Variants in B4GALNT3 observed in about 807,000 individuals in gnomAD.
The protein encoded by B4GALNT3 is beta-1,4-N-acetylgalactosaminyltransferase 3.
Under a neutral mutation model 120.2 loss-of-function variants are expected in B4GALNT3, and 86 were observed. That is an observed-to-expected ratio of 0.72 (90% confidence interval 0.60 to 0.86). The LOEUF is 0.86. Among genes scored for constraint, B4GALNT3 ranks in the 40% least tolerant of loss-of-function variants. B4GALNT3 has a pLI of 0.00. For synonymous variants in B4GALNT3, 518 were observed against 510.4 expected, an observed-to-expected ratio of 1.01 and a Z score of -0.20; for missense variants, 1,167 against 1,298.9, an observed-to-expected ratio of 0.90 and a Z score of 1.56.
At chr12:559,514 G>T (rs557779702) in intron 19 of B4GALNT3, 93 bp downstream of exon 19, 2 of 1,552,312 alleles carry the variant, frequency 1.3e-6, no homozygotes, top group South Asian at 2.4e-5. Context: ...TGTCCCCCTC[G>T]GCCGCAGAGT....
At chr12:470,597 G>C (rs901117127) in intron 1 of B4GALNT3, among the ~76,000 whole-genome samples, 1 of 152,256 alleles carries the variant, frequency 6.6e-6, no homozygotes, top group South Asian at 2.1e-4. Context: ...AAGGGCAGTG[G>C]AGATGGGCAG....
At chr12:555,978 T>C (rs1239408280) in intron 14 of B4GALNT3, among the ~76,000 whole-genome samples, 1 of 151,426 alleles carries the variant, frequency 6.6e-6, no homozygotes, top group Admixed American at 6.6e-5. Flanking sequence ...AGAGACAGGG[T>C]TTCACCATAT....
intron 12 of B4GALNT3, 41 bp from the exon 13 acceptor site, chr12:552,426 C>T: frequency 6.3e-7 from 1 of 1,588,028 alleles, no homozygotes; most frequent in Non-Finnish European, 8.6e-7. Context: ...CTGAGCCCGC[C>T]ATGCACCGGG....
At chr12:492,897 C>CA (rs368327845) in intron 1 of B4GALNT3, among the ~76,000 whole-genome samples, 25,742 of 121,810 alleles carry the variant, frequency 0.21, 2,610 homozygotes, top group Middle Eastern at 0.41. Context: ...TGCACATATG[C>CA]AAAAAAAAAA....
chr12:558,797 C>A, intron 18 of B4GALNT3, 136 bp downstream of exon 18: 1 of 979,710 alleles, frequency 1.0e-6, no homozygotes, highest in Non-Finnish European at 1.5e-6. Flanking sequence ...GTGGCCTTCA[C>A]TCCCCGGAAA....
At chr12:492,008 A>G (rs960538029) in intron 1 of B4GALNT3, among the ~76,000 whole-genome samples, 52 of 149,290 alleles carry the variant, frequency 3.5e-4, no homozygotes, top group African/African-American at 1.2e-3. Context: ...CAGTGAGCGG[A>G]GATCATGGCA....
chr12:497,344 G>A (rs973911102), intron 1 of B4GALNT3, among the ~76,000 whole-genome samples: 4 of 151,500 alleles, frequency 2.6e-5, no homozygotes, highest in African/African-American at 9.7e-5. Context: ...GTAGAGACGG[G>A]GTTTCTCCAT....
Position 506,931 on chromosome 12 carries a change from C to T in B4GALNT3, c.170-28235C>T, listed in dbSNP as rs576096458. ...GATTACAGGCGTGAGCCACCGTGCCCGGCCAAGTGCATTTTTAAATGAATT... is the reference window on the plus strand; with the variant it reads ...GATTACAGGCGTGAGCCACCGTGCCTGGCCAAGTGCATTTTTAAATGAATT... On this transcript the variant is annotated intron_variant, in intron 1 of 19. Transcript: ENST00000266383. 5.3e-5 allele frequency among the ~76,000 whole-genome samples: 8 copies of T among 152,334 alleles called. No individual in the cohort carries two copies. The South Asian group carries it at 1.7e-3, about 32-fold the overall frequency.
Position 543,478 on chromosome 12 carries a change from TGAG to T in B4GALNT3, c.352-857_352-855del, listed in dbSNP as rs577425147. Among the ~76,000 whole-genome samples, 3 of 93,200 alleles carry T rather than the reference TGAG, an allele frequency of 3.2e-5. No homozygotes were observed. The South Asian group carries it at 1.5e-3, about 45-fold the overall frequency. The allele number at this position is 93,200 out of a possible 152,430, so 61.1% of individuals were successfully genotyped here. On this transcript the variant is annotated intron_variant, in intron 3 of 19. Transcript: ENST00000266383. ...CATGGGGTGCTCATCTTCCTGGAGC[TGAG>T]GAGCTGGGACGGGCATGGGGTGCTC...
At chr12:522,944 A>G (rs1293204920) in intron 1 of B4GALNT3, among the ~76,000 whole-genome samples, 1 of 131,514 alleles carries the variant, frequency 7.6e-6, no homozygotes, top group East Asian at 2.0e-4. Context: ...CTCTGTTTAA[A>G]AAAAAAAAAA....
At position 553,562 on chromosome 12, in the gene B4GALNT3, C is replaced by A. The variant is rs1338419098; in HGVS notation, c.1639C>A (p.Pro547Thr). The change falls in exon 14 of 20, where the codon CCC (proline) becomes ACC (threonine). Residue 547 changes from proline (P) to threonine (T), a missense_variant. This residue lies in a region of B4GALNT3 where 983 missense variants were observed against 1,102.5 expected (regional missense o/e 0.89). Coordinates refer to ENST00000266383, the MANE Select transcript of B4GALNT3 (RefSeq NM_173593.4). ...PVKNLPQMRG[P>T]RPRPAGDSPR... ...GAAGAACCTGCCTCAGATGAGGGGGCCCAGGCCCAGGCCCGCTGGTGACAG... is the reference window on the plus strand; with the variant it reads ...GAAGAACCTGCCTCAGATGAGGGGGACCAGGCCCAGGCCCGCTGGTGACAG... 1.4e-5 allele frequency: 22 copies of A among 1,613,766 alleles called. No homozygotes were observed. Among genetic ancestry groups the A allele is most frequent in the Non-Finnish European group, 1.9e-5 (22 of 1,179,912 alleles).
rs762226195 is a variant in B4GALNT3 at position 557,707 on chromosome 12, A to G, written c.2480A>G (p.Tyr827Cys). ...DPHFNIVITD[Y>C]SSEDMDVEMA... Reference sequence around the variant, plus strand: ...CACTTCAACATCGTCATCACTGACTATAGCAGTGAGGACATGGATGTTGAG... The same window carrying G: ...CACTTCAACATCGTCATCACTGACTGTAGCAGTGAGGACATGGATGTTGAG... Residue 827 changes from tyrosine (Y) to cysteine (C), a missense_variant, in exon 16 of 20, where the codon TAT becomes TGT. Tyr to Cys is a radical substitution (Grantham distance 194, BLOSUM62 -2). Transcript: ENST00000266383. The G allele has an allele frequency of 2.5e-6, 4 of 1,606,814 alleles. No individual in the cohort carries two copies. The highest frequency in any genetic ancestry group is 1.3e-5 in the African/African-American group (1 of 74,426).
chr12:520,076 A>G (rs1468819420), intron 1 of B4GALNT3, among the ~76,000 whole-genome samples: 1 of 152,188 alleles, frequency 6.6e-6, no homozygotes, highest in Non-Finnish European at 1.5e-5. Flanking sequence ...GCATGGAGTT[A>G]GACCTGGATC....
At chr12:490,097 G>C (rs182758663) in intron 1 of B4GALNT3, among the ~76,000 whole-genome samples, 21 of 152,328 alleles carry the variant, frequency 1.4e-4, no homozygotes, top group Admixed American at 1.2e-3. Flanking sequence ...GGGATGCAGT[G>C]ATAGCAGTGC....
chr12:522,495 T>C (rs1360379883), intron 1 of B4GALNT3, among the ~76,000 whole-genome samples: 1 of 152,164 alleles, frequency 6.6e-6, no homozygotes, highest in Non-Finnish European at 1.5e-5. Flanking sequence ...AGAGTGGTGG[T>C]TGCCAGGCCC....
rs200210120 is a variant in B4GALNT3 at position 488,149 on chromosome 12, G to GA, written c.169+27618dup. 3.9e-3 allele frequency among the ~76,000 whole-genome samples: 494 copies of GA among 127,428 alleles called. 1 individual carries two copies. Among genetic ancestry groups the GA allele is most frequent in the African/African-American group, 6.2e-3 (222 of 35,700 alleles). The allele number at this position is 127,428 out of a possible 152,430, so 83.6% of individuals were successfully genotyped here. The stretch of plus-strand genomic sequence containing the variant: ...GAAATATTTAAACAGCTGAGAAGAA[G>GA]AAAAAAAAAAAAAACCCCATCAACC... On this transcript the variant is annotated intron_variant, in intron 1 of 19. Transcript: ENST00000266383.
rs1310790201 is a variant in B4GALNT3, at chr12:549,820, C to A, written c.905C>A (p.Ala302Asp). Residue 302 changes from alanine to aspartate, a missense_variant, in exon 10 of 20, where the codon GCC becomes GAC. By Grantham distance (126) the Ala-to-Asp change is moderately radical. Transcript: ENST00000266383. ...GTGGGCCACATCCCACAGACAGCAG[C>A]CAGCCACGTGGACTCCTCCAACGCT... is the stretch of plus-strand genomic sequence containing the variant. The part of the protein sequence containing the change: ...DEVGHIPQTA[A>D]SHVDSSNALP... The A allele has an allele frequency of 6.2e-6, 10 of 1,613,706 alleles. No homozygotes were observed. Among genetic ancestry groups the A allele is most frequent in the African/African-American group, 2.7e-5 (2 of 74,914 alleles).
rs201697293 is a variant in B4GALNT3, at chr12:548,018, C to T, written c.708-6C>T. On this transcript the variant is annotated splice_polypyrimidine_tract_variant and splice_region_variant and intron_variant, in intron 7 of 19. Coordinates refer to ENST00000266383, the MANE Select transcript of B4GALNT3 (RefSeq NM_173593.4). The surrounding 1 kb of genome is among the most constrained non-coding windows in gnomAD (Gnocchi z 4.9). ...CGCTCTGCTTCCCTGCCCTCTCTCCCGCCAGCCTGTCAGCCTCCCACAGGT... is the reference window on the plus strand; with the variant it reads ...CGCTCTGCTTCCCTGCCCTCTCTCCTGCCAGCCTGTCAGCCTCCCACAGGT... 2.6e-3 allele frequency: 4,205 copies of T among 1,613,710 alleles called. 4 individuals carry two copies. The highest frequency in any genetic ancestry group is 3.1e-3 in the Non-Finnish European group (3,649 of 1,179,920).
chr12:530,620 G>A (rs1442229751), intron 1 of B4GALNT3, among the ~76,000 whole-genome samples: 4 of 152,220 alleles, frequency 2.6e-5, no homozygotes, highest in Non-Finnish European at 5.9e-5. Flanking sequence ...CGTTCACTGT[G>A]TGGCCTTGAG....
Sources: allele counts gnomAD v4.1 joint callset (sites outside exome capture counted in the v4.1 genomes callset), GRCh38; gene constraint gnomAD v4.1.1; regional missense constraint gnomAD v4.1.1; non-coding constraint Gnocchi (gnomAD v3.1); transcripts MANE v1.5; gene names NCBI Gene and HGNC (gene_info 2026-07-23, HGNC 2026-07-21).